The following PEX5L variants were observed in gnomAD, a reference collection of about 807,000 sequenced individuals.
The protein encoded by PEX5L is PEX5-related protein.
A neutral mutation model predicts 84.0 loss-of-function variants in PEX5L; 30 were observed. That is an observed-to-expected ratio of 0.36 (90% CI 0.27 to 0.48). The LOEUF (loss-of-function observed/expected upper bound fraction) is 0.48. Ranked by LOEUF, PEX5L falls within the 20% of genes least tolerant of loss-of-function variation. PEX5L has a pLI of 0.99. For synonymous variants in PEX5L, 270 were observed against 283.1 expected (o/e 0.95, Z 0.46); for missense variants, 533 against 754.6 (o/e 0.71, Z 3.44).
At chr3:179,973,343 T>C (rs1785234602) in intron 1 of PEX5L, 2 of 1,198,800 alleles carry the variant, frequency 1.7e-6, no homozygotes, top group South Asian at 1.6e-5. Flanking sequence ...GCATTAATAA[T>C]GTACAACAAT....
chr3:180,025,824 T>C (rs892141022), intron 1 of PEX5L, among the ~76,000 whole-genome samples: 5 of 152,228 alleles, frequency 3.3e-5, no homozygotes, highest in Non-Finnish European at 2.9e-5. Context: ...TATAAAAACA[T>C]AAGAGCTAGT....
intron 2 of PEX5L, among the ~76,000 whole-genome samples, chr3:179,927,014 A>G (rs73060746): frequency 1.7e-3 from 263 of 152,306 alleles, no homozygotes; most frequent in African/African-American, 5.8e-3. Flanking sequence ...AAATTGTTTA[A>G]ACTCTCTGGA....
chr3:179,879,578 T>A (rs1753536565), intron 5 of PEX5L, among the ~76,000 whole-genome samples: 1 of 152,162 alleles, frequency 6.6e-6, no homozygotes, highest in Admixed American at 6.5e-5. Flanking sequence ...TGCATTAGAG[T>A]TCGTTACTCA....
Position 179,847,193 on chromosome 3 carries a change from T to C in PEX5L, c.822+11869A>G, listed in dbSNP as rs530215390. The stretch of plus-strand genomic sequence containing the variant: ...TGATATAGTGTGATATTGGATGGGG[T>C]GGGTGGATATATATGTGCATATGTA... On this transcript the variant is annotated intron_variant, in intron 8 of 14. Coordinates refer to ENST00000467460, the MANE Select transcript of PEX5L (RefSeq NM_016559.3). Among the ~76,000 whole-genome samples, 6 of 151,618 alleles carry C rather than the reference T, an allele frequency of 4.0e-5. No individual in the cohort carries two copies. The South Asian group carries it at 8.3e-4, about 21-fold the overall frequency.
At chr3:179,815,755 G>A in intron 10 of PEX5L, 106 bp downstream of exon 10, 2 of 1,255,994 alleles carry the variant, frequency 1.6e-6, no homozygotes, top group South Asian at 2.7e-5. Context: ...TAACTCCTCT[G>A]GGAACCTTTA....
At chr3:179,809,073 C>CA (rs10684376) in intron 12 of PEX5L, among the ~76,000 whole-genome samples, 896 of 47,742 alleles carry the variant, frequency 0.019, 194 homozygotes, top group Middle Eastern at 0.043. Flanking sequence ...GATTCCGCCT[C>CA]AAAAAAAAAA....
At position 179,801,939 on chromosome 3, in the gene PEX5L, G is replaced by A. The variant is rs1207830241; in HGVS notation, c.1770C>T (p.Ile590=). The A allele has an allele frequency of 6.2e-7, 1 of 1,613,728 alleles. No homozygotes were observed. Among genetic ancestry groups the A allele is most frequent in the East Asian group, 2.2e-5 (1 of 44,866 alleles). The change falls in exon 15 of 15, where the codon ATC becomes ATT. Residue 590 remains isoleucine, a synonymous_variant. Transcript: ENST00000467460. ...QVPHPAISGN[I]WAALRIALSL... is the part of the protein sequence containing the mutation. ...AGAGCGCAATTCTGAGGGCAGCCCA[G>A]ATATTCCCAGAGATTGCAGGATGAG...
Position 179,808,301 on chromosome 3 carries a change from A to G in PEX5L, c.1489T>C (p.Phe497Leu). Residue 497 changes from phenylalanine (F) to leucine (L), a missense_variant, in exon 13 of 15, where the codon TTT becomes CTT. Phe to Leu is a conservative substitution (Grantham distance 22). Transcript: ENST00000467460. ...GGCCGAACAGTTAAGGCAGCGTTAAATGCATCTATTGCTCTATTAAATTCT... is the reference window on the plus strand; with the variant it reads ...GGCCGAACAGTTAAGGCAGCGTTAAGTGCATCTATTGCTCTATTAAATTCT... ...SGEFNRAIDAFNAALTVRPED... is the reference protein window; with the variant it reads ...SGEFNRAIDALNAALTVRPED... 6.2e-7 allele frequency: 1 copy of G among 1,600,100 alleles called. No individual in the cohort carries two copies. Among genetic ancestry groups the G allele is most frequent in the Non-Finnish European group, 8.5e-7 (1 of 1,174,358 alleles).
At position 179,800,877 on chromosome 3, in the gene PEX5L, A is replaced by G. The variant is rs773270354; in HGVS notation, c.*951T>C. 1 of 152,282 alleles carries G rather than the reference A, an allele frequency of 6.6e-6. No homozygotes were observed. The highest frequency in any genetic ancestry group is 2.4e-5 in the African/African-American group (1 of 41,474). The allele number at this position is 152,282 out of a possible 1,614,324, so 9.4% of individuals were successfully genotyped here. On this transcript the variant is annotated 3_prime_UTR_variant, in exon 15 of 15. Transcript: ENST00000467460. ...ACTTAAGCAAGTTAATTTGAACTCA[A>G]TAGAAATCACGATACCATCAAACTT...
chr3:180,015,881 A>G (rs1789901424), intron 1 of PEX5L, among the ~76,000 whole-genome samples: 1 of 113,810 alleles, frequency 8.8e-6, no homozygotes, highest in South Asian at 2.6e-4. Flanking sequence ...AATATATAAT[A>G]TTTAATATAT....
intron 7 of PEX5L, among the ~76,000 whole-genome samples, chr3:179,862,259 C>A (rs1473989138): frequency 6.6e-6 from 1 of 152,184 alleles, no homozygotes; most frequent in African/African-American, 2.4e-5. Flanking sequence ...AGGAAAGCCT[C>A]CTTCTCCAGA....
chr3:180,012,774 T>G (rs1427958504), intron 1 of PEX5L, among the ~76,000 whole-genome samples: 1 of 152,118 alleles, frequency 6.6e-6, no homozygotes, highest in Non-Finnish European at 1.5e-5. Flanking sequence ...TTACCTATGA[T>G]AATCCATTTT....
chr3:179,824,435 G>C (rs992318142), intron 8 of PEX5L, among the ~76,000 whole-genome samples: 10 of 152,178 alleles, frequency 6.6e-5, no homozygotes, highest in Non-Finnish European at 1.2e-4. Context: ...GCCAGGTGTG[G>C]TGGCTCACGC....
intron 1 of PEX5L, among the ~76,000 whole-genome samples, chr3:180,015,400 GGTGT>G (rs1789857895): frequency 1.3e-5 from 2 of 152,082 alleles, no homozygotes; most frequent in Non-Finnish European, 2.9e-5. Context: ...TCCAAAACGA[GGTGT>G]GTGTGTGTTT....
intron 1 of PEX5L, among the ~76,000 whole-genome samples, chr3:180,000,839 G>A (rs1372969082): frequency 6.6e-6 from 1 of 152,174 alleles, no homozygotes; most frequent in African/African-American, 2.4e-5. Context: ...TATGTTAGGT[G>A]TAATTATGAC....
chr3:179,970,363 G>C (rs1784420302), intron 2 of PEX5L, among the ~76,000 whole-genome samples: 1 of 152,032 alleles, frequency 6.6e-6, no homozygotes, highest in African/African-American at 2.4e-5. Flanking sequence ...GGCATAAAGT[G>C]ATAGTTAATA....
chr3:179,815,260 G>A (rs1220152342), intron 10 of PEX5L, among the ~76,000 whole-genome samples: 1 of 152,212 alleles, frequency 6.6e-6, no homozygotes, highest in Non-Finnish European at 1.5e-5. Flanking sequence ...ACTATATACT[G>A]TCCCTTGAAA....
intron 1 of PEX5L, among the ~76,000 whole-genome samples, chr3:180,029,457 T>C (rs1791258468): frequency 6.6e-6 from 1 of 152,224 alleles, no homozygotes; most frequent in Non-Finnish European, 1.5e-5. Flanking sequence ...AGGTGAAGCA[T>C]CATAGGTTTG....
chr3:179,822,971 T>A (rs543275523), intron 8 of PEX5L, among the ~76,000 whole-genome samples: 1 of 152,348 alleles, frequency 6.6e-6, no homozygotes, highest in African/African-American at 2.4e-5. Flanking sequence ...CTTATTTTCC[T>A]TATATTTAAA....
Sources: allele counts gnomAD v4.1 joint callset (sites outside exome capture counted in the v4.1 genomes callset), GRCh38; gene constraint gnomAD v4.1.1; transcripts MANE v1.5; gene names NCBI Gene and HGNC (gene_info 2026-07-23, HGNC 2026-07-21).